NCR1: variants seen among roughly 807,000 people sequenced by gnomAD.
NCR1 encodes NK cell-activating receptor.
NCR1 carries 30 observed loss-of-function variants against 32.5 expected under a neutral mutation model. The observed-to-expected ratio is 0.92, with a 90% CI of 0.69 to 1.25. NCR1 has a LOEUF of 1.25. NCR1 is among the 50% of genes most tolerant of loss of function. The pLI is 0.00. For synonymous variants in NCR1, 169 were observed against 143.4 expected (o/e 1.18, Z -1.28); for missense variants, 369 against 380.7 (o/e 0.97, Z 0.26).
At chr19:54,901,123 G>GAA in the NCR1 span, among the ~76,000 whole-genome samples, 1 of 101,568 alleles carries the variant, frequency 9.8e-6, no homozygotes, top group African/African-American at 4.2e-5. Flanking sequence ...TCTCTACTTT[G>GAA]AAAAAAAAAA....
At chr19:54,904,961 A>T (rs1198004086), upstream of NCR1, among the ~76,000 whole-genome samples, 1 of 152,218 alleles carries the variant, frequency 6.6e-6, no homozygotes, top group Non-Finnish European at 1.5e-5. Context: ...TATACATATC[A>T]CATTGTCTTT....
At position 54,909,506 on chromosome 19, in the gene NCR1, T is replaced by G; in HGVS notation, c.617T>G (p.Val206Gly). The change falls in exon 4 of 7, where the codon GTG (valine) becomes GGG (glycine). Residue 206 changes from valine to glycine, a missense_variant. Physicochemically the swap from Val to Gly is moderately radical, Grantham distance 109. Coordinates refer to ENST00000291890, the MANE Select transcript of NCR1 (RefSeq NM_004829.7). ...NHAWSFPSEP[V>G]KLLVTGDIEN... Reference sequence around the variant, plus strand: ...GCCTGGTCTTTCCCCAGTGAGCCAGTGAAGCTCCTGGTCACAGGTGAGGAA... The same window carrying G: ...GCCTGGTCTTTCCCCAGTGAGCCAGGGAAGCTCCTGGTCACAGGTGAGGAA... The G allele has an allele frequency of 6.2e-7, 1 of 1,605,468 alleles. No individual in the cohort carries two copies. The highest frequency in any genetic ancestry group is 8.5e-7 in the Non-Finnish European group (1 of 1,179,538).
chr19:54,901,122 T>TGAA, the NCR1 span, among the ~76,000 whole-genome samples: 1 of 8,654 alleles, frequency 1.2e-4, no homozygotes, highest in Non-Finnish European at 2.8e-4. Context: ...ATCTCTACTT[T>TGAA]GAAAAAAAAA....
chr19:54,900,679 C>T, the NCR1 span, among the ~76,000 whole-genome samples: 2 of 152,074 alleles, frequency 1.3e-5, no homozygotes, highest in African/African-American at 4.8e-5. Context: ...CTGCACCTGG[C>T]CTTAGAAAAC....
the NCR1 span, among the ~76,000 whole-genome samples, chr19:54,922,794 A>G: frequency 6.7e-6 from 1 of 149,288 alleles, no homozygotes; most frequent in Non-Finnish European, 1.5e-5. Flanking sequence ...AAAAAACAAA[A>G]AAAAAAAACG....
At chr19:54,924,391 G>A in the NCR1 span, among the ~76,000 whole-genome samples, 12 of 152,356 alleles carry the variant, frequency 7.9e-5, no homozygotes, top group East Asian at 1.9e-3. Flanking sequence ...GGGAGGCCAA[G>A]GCAGGCAGAT....
chr19:54,910,954 A>T (rs2067940149), intron 5 of NCR1, among the ~76,000 whole-genome samples: 1 of 152,206 alleles, frequency 6.6e-6, no homozygotes, highest in Non-Finnish European at 1.5e-5. Context: ...TGGGGCAGGA[A>T]GATAACTGGG....
At position 54,909,537 on chromosome 19, in the gene NCR1, C is replaced by T. The variant is rs751808489; in HGVS notation, c.634+14C>T. 3.8e-6 allele frequency: 6 copies of T among 1,596,448 alleles called. No individual in the cohort carries two copies. Among genetic ancestry groups the T allele is most frequent in the Non-Finnish European group, 5.1e-6 (6 of 1,176,034 alleles). On this transcript the variant is annotated intron_variant, in intron 4 of 6. Coordinates refer to ENST00000291890, the MANE Select transcript of NCR1 (RefSeq NM_004829.7). ...TCCTGGTCACAGGTGAGGAAATGCT[C>T]AATTCCCCACACCCTTCGCCGCCAT...
At chr19:54,903,456 ATAT>A (rs2067360856), upstream of NCR1, among the ~76,000 whole-genome samples, 2 of 122,950 alleles carry the variant, frequency 1.6e-5, no homozygotes, top group East Asian at 7.3e-4. Flanking sequence ...GTATATACAT[ATAT>A]GTATGTATAC....
In NCR1 at chr19:54,908,821, G is replaced by T. The variant is rs376345885; in HGVS notation, c.356-424G>T. Among the ~76,000 whole-genome samples the T allele has an allele frequency of 2.6e-5, 4 of 151,946 alleles. No homozygotes were observed. The South Asian group carries it at 8.3e-4, about 32-fold the overall frequency. On this transcript the variant is annotated intron_variant, in intron 3 of 6. Transcript: ENST00000291890. ...ATTTTTGCATTTTTAGTAGAGACGGGGTTTCACCATGTTGACCAGGCTGGT... is the reference window on the plus strand; with the variant it reads ...ATTTTTGCATTTTTAGTAGAGACGGTGTTTCACCATGTTGACCAGGCTGGT...
intron 5 of NCR1, among the ~76,000 whole-genome samples, chr19:54,911,048 T>C (rs904793034): frequency 6.6e-6 from 1 of 152,022 alleles, no homozygotes; most frequent in Admixed American, 6.6e-5. Flanking sequence ...GGCGCACGGC[T>C]AGGATTACAG....
At chr19:54,903,434 G>A (rs372425880), upstream of NCR1, among the ~76,000 whole-genome samples, 81 of 123,328 alleles carry the variant, frequency 6.6e-4, no homozygotes, top group South Asian at 9.2e-3. Context: ...ATGTATACAC[G>A]CATACATGTA....
the NCR1 span, among the ~76,000 whole-genome samples, chr19:54,900,094 T>C: frequency 2.6e-5 from 4 of 152,092 alleles, no homozygotes; most frequent in Admixed American, 6.6e-5. Flanking sequence ...CGAGAGGTCG[T>C]AGGTGGATCT....
upstream of NCR1, among the ~76,000 whole-genome samples, chr19:54,904,734 G>T (rs2067464316): frequency 1.3e-5 from 2 of 151,996 alleles, no homozygotes; most frequent in South Asian, 4.1e-4. Context: ...GTTTCTGCAT[G>T]TTGGTCAGGC....
At chr19:54,902,203 C>T (rs2067312470), upstream of NCR1, among the ~76,000 whole-genome samples, 1 of 152,130 alleles carries the variant, frequency 6.6e-6, no homozygotes, top group Admixed American at 6.5e-5. Context: ...AAATTAGACA[C>T]ACTTTCTTCG....
downstream of NCR1, among the ~76,000 whole-genome samples, chr19:54,919,715 C>CCG (rs1556721759): frequency 1.5e-5 from 1 of 68,732 alleles, no homozygotes; most frequent in African/African-American, 8.0e-5. Context: ...GAAAGGGAGA[C>CCG]CCCCCCCCCC....
At chr19:54,906,245 A>AT in intron 1 of NCR1, 24 bp downstream of exon 1, 1 of 1,614,128 alleles carries the variant, frequency 6.2e-7, no homozygotes, top group South Asian at 1.1e-5. Flanking sequence ...TGGAAGGGGA[A>AT]TGGGATCACG....
rs1277996576 is a variant in NCR1, at chr19:54,906,693, G to A, written c.241G>A (p.Val81Ile). ...RPKPPERINK[V>I]QFYIPDMNSR... ...AAAACCCCCTGAGCGGATTAACAAA[G>A]TCCAATTCTACATCCCGGACATGAA... The change falls in exon 3 of 7, where the codon GTC becomes ATC. Residue 81 changes from valine (V) to isoleucine (I), a missense_variant. Physicochemically the swap from Val to Ile is conservative, Grantham distance 29 (BLOSUM62 3). Coordinates refer to ENST00000291890, the MANE Select transcript of NCR1 (RefSeq NM_004829.7). 2 of 1,614,094 alleles carry A rather than the reference G, an allele frequency of 1.2e-6. No individual in the cohort carries two copies. Among genetic ancestry groups the A allele is most frequent in the East Asian group, 2.2e-5 (1 of 44,894 alleles).
At chr19:54,919,613 G>T (rs1221398832), downstream of NCR1, among the ~76,000 whole-genome samples, 5 of 152,092 alleles carry the variant, frequency 3.3e-5, no homozygotes, top group Non-Finnish European at 7.4e-5. Flanking sequence ...CAGGGAGACG[G>T]TTAGGCCTCC....
Sources: allele counts gnomAD v4.1 joint callset (sites outside exome capture counted in the v4.1 genomes callset), GRCh38; gene constraint gnomAD v4.1.1; transcripts MANE v1.5; gene names NCBI Gene and HGNC (gene_info 2026-07-23, HGNC 2026-07-21).